The following GIGYF2 variants were observed in gnomAD, a reference collection of about 807,000 sequenced individuals.
The protein encoded by GIGYF2 is GRB10-interacting GYF protein 2.
Under a neutral mutation model 208.1 loss-of-function variants are expected in GIGYF2, and 25 were observed. The ratio of observed to expected loss-of-function variants is 0.12; its 90% CI spans 0.09 to 0.17. GIGYF2 has a LOEUF of 0.17. Among genes scored for constraint, GIGYF2 ranks in the 10% least tolerant of loss-of-function variants. The probability of loss-of-function intolerance (pLI) is 1.00; values close to 1 mark genes in which losing one functional copy is unlikely to be tolerated. For missense variants in GIGYF2, 1,302 were observed against 1,579.4 expected (o/e 0.82, Z 2.98); for synonymous variants, 534 against 543.8 (o/e 0.98, Z 0.25).
chr2:232,747,316 G>A (rs1478148248), intron 3 of GIGYF2, among the ~76,000 whole-genome samples: 1 of 152,072 alleles, frequency 6.6e-6, no homozygotes, highest in South Asian at 2.1e-4. Context: ...AATCATATGC[G>A]CCTTTTAAAA....
In GIGYF2 at chr2:232,788,819, A is replaced by AT. The variant is rs1699991168; in HGVS notation, c.712+1496dup. 2.0e-5 allele frequency among the ~76,000 whole-genome samples: 3 copies of AT among 152,126 alleles called. No homozygotes were observed. In the South Asian group the frequency reaches 6.2e-4, roughly 32 times the overall value. ...GAACTTTTAATCCATATACATATAT[A>AT]TTTTTTCAGTCACACCTGTGGCTGA... On this transcript the variant is annotated intron_variant, in intron 9 of 28. Transcript: ENST00000373563.
Position 232,785,457 on chromosome 2 carries a change from C to A in GIGYF2, c.533-1693C>A, listed in dbSNP as rs114098038. The stretch of plus-strand genomic sequence containing the variant: ...TGGTAAGTCTCAGTTCTTTGCCATG[C>A]AAGCTTCTCCACGAGGTCTGTGTCA... On this transcript the variant is annotated intron_variant, in intron 8 of 28. Transcript: ENST00000373563. Among the ~76,000 whole-genome samples the A allele has an allele frequency of 5.1e-3, 784 of 152,282 alleles. 5 individuals carry two copies. Among genetic ancestry groups the A allele is most frequent in the African/African-American group, 0.018 (759 of 41,552 alleles).
At position 232,791,121 on chromosome 2, in the gene GIGYF2, C is replaced by G. The variant is rs111427690; in HGVS notation, c.1044C>G (p.Pro348=). Residue 348 remains proline (P), a synonymous_variant, in exon 11 of 29, where the codon CCC becomes CCG. Coordinates refer to ENST00000373563, the MANE Select transcript of GIGYF2 (RefSeq NM_001103146.3). ...GCCATAATGAAGAGGCCAAAGAACC[C>G]GATAAGACAAATAAGAAAGAAGGAG... The part of the protein sequence containing the change: ...EGSHNEEAKE[P]DKTNKKEGEK... 2.5e-6 allele frequency: 4 copies of G among 1,613,702 alleles called. No homozygotes were observed. The highest frequency in any genetic ancestry group is 3.3e-5 in the Admixed American group (2 of 59,962).
chr2:232,756,197 C>CT (rs759525243), intron 5 of GIGYF2, 26 bp from the exon 6 acceptor site: 154,563 of 697,696 alleles, frequency 0.22, 8,206 homozygotes, highest in Non-Finnish European at 0.24. Flanking sequence ...TCCTTTTTCT[C>CT]TTTTTTTTTT....
At chr2:232,743,972 A>C (rs1423192130) in intron 3 of GIGYF2, among the ~76,000 whole-genome samples, 1 of 152,058 alleles carries the variant, frequency 6.6e-6, no homozygotes, top group African/African-American at 2.4e-5. Flanking sequence ...CAGCCTTCCA[A>C]ATAGCTGGGA....
At chr2:232,832,695 A>G (rs1271977879) in intron 21 of GIGYF2, among the ~76,000 whole-genome samples, 162 bp from the exon 22 acceptor site, 1 of 152,176 alleles carries the variant, frequency 6.6e-6, no homozygotes, top group Non-Finnish European at 1.5e-5. Context: ...CTATAAATAT[A>G]TTTTAAAAGA....
In GIGYF2 at chr2:232,763,831, CA is replaced by C. The variant is rs35848912; in HGVS notation, c.532+2410del. Among the ~76,000 whole-genome samples, 570 of 119,708 alleles carry C rather than the reference CA, an allele frequency of 4.8e-3. 2 individuals carry two copies. Among genetic ancestry groups the C allele is most frequent in the Middle Eastern group, 9.5e-3 (2 of 210 alleles). 78.5% of individuals were successfully genotyped at this position (119,708 alleles called of 152,430 possible). A position where few individuals can be genotyped will look rare whatever the true frequency, so the allele number is the denominator to read the frequency against. On this transcript the variant is annotated intron_variant, in intron 8 of 28. Transcript: ENST00000373563. ...GGCTGGCAGAGCAAGACTCTGTCTG[CA>C]AAAAAAAAAAAAAAGTTATGTGAAT...
intron 12 of GIGYF2, among the ~76,000 whole-genome samples, chr2:232,794,502 C>T (rs1253635092): frequency 1.3e-5 from 2 of 152,200 alleles, no homozygotes; most frequent in Non-Finnish European, 2.9e-5. Flanking sequence ...TCTGGTGACA[C>T]AGGTAAGCCC....
chr2:232,752,359 G>A (rs1698365716), intron 5 of GIGYF2, among the ~76,000 whole-genome samples: 1 of 152,086 alleles, frequency 6.6e-6, no homozygotes, highest in African/African-American at 2.4e-5. Context: ...CTTGCTGCAT[G>A]TCTTGTTTGC....
intron 6 of GIGYF2, among the ~76,000 whole-genome samples, chr2:232,757,658 G>C (rs552598947): frequency 2.6e-5 from 4 of 152,108 alleles, no homozygotes; most frequent in African/African-American, 9.6e-5. Flanking sequence ...TACTTGGGCA[G>C]CTTTGCCTCC....
intron 21 of GIGYF2, among the ~76,000 whole-genome samples, chr2:232,828,371 CTTT>C (rs766631473): frequency 1.4e-5 from 2 of 138,854 alleles, no homozygotes. Context: ...AATTTATTGA[CTTT>C]TTTTTTTTTT....
At chr2:232,707,723 C>T (rs372749590) in intron 2 of GIGYF2, among the ~76,000 whole-genome samples, 8 of 151,592 alleles carry the variant, frequency 5.3e-5, no homozygotes, top group African/African-American at 1.9e-4. Context: ...CTGCAACCTC[C>T]ACCCCCTGGG....
At chr2:232,744,074 G>A (rs1698062400) in intron 3 of GIGYF2, among the ~76,000 whole-genome samples, 1 of 152,070 alleles carries the variant, frequency 6.6e-6, no homozygotes, top group Non-Finnish European at 1.5e-5. Flanking sequence ...TCAAACTCCT[G>A]GTCTCAAGTG....
chr2:232,772,960 C>T (rs538522494), intron 8 of GIGYF2, among the ~76,000 whole-genome samples: 8 of 152,172 alleles, frequency 5.3e-5, no homozygotes, highest in Admixed American at 1.3e-4. Context: ...CTTTCTTTTG[C>T]TCTGAGGTAA....
intron 8 of GIGYF2, 165 bp downstream of exon 8, chr2:232,761,601 A>G (rs2106326581): frequency 3.5e-6 from 2 of 568,638 alleles, no homozygotes; most frequent in East Asian, 3.1e-5. Flanking sequence ...AGCCATTAGG[A>G]TTTACTTGAC....
chr2:232,713,244 T>C (rs1173259930), intron 2 of GIGYF2, among the ~76,000 whole-genome samples: 3 of 151,970 alleles, frequency 2.0e-5, no homozygotes, highest in African/African-American at 7.3e-5. Context: ...TGCAACTGAT[T>C]TTTTGTATTT....
chr2:232,836,356 A>G (rs1196689408), intron 22 of GIGYF2, among the ~76,000 whole-genome samples: 1 of 74,970 alleles, frequency 1.3e-5, no homozygotes, highest in Non-Finnish European at 2.4e-5. Context: ...ATATTTATAT[A>G]TATAAATATA....
intron 16 of GIGYF2, 70 bp from the exon 17 acceptor site, chr2:232,811,162 ATTGAACTTTGTC>A (rs1700722702): frequency 2.6e-6 from 2 of 768,538 alleles, no homozygotes; most frequent in East Asian, 4.9e-5. Context: ...GGGGCTTTGA[ATTGAACTTTGTC>A]TTTCAGCATC....
chr2:232,709,830 G>A (rs1696298693), intron 2 of GIGYF2, among the ~76,000 whole-genome samples: 1 of 151,978 alleles, frequency 6.6e-6, no homozygotes, highest in Non-Finnish European at 1.5e-5. Flanking sequence ...AATTGTAGAG[G>A]TGAAGCCTTA....
Sources: allele counts gnomAD v4.1 joint callset (sites outside exome capture counted in the v4.1 genomes callset), GRCh38; gene constraint gnomAD v4.1.1; transcripts MANE v1.5; gene names NCBI Gene and HGNC (gene_info 2026-07-23, HGNC 2026-07-21).